The following NRXN3 variants were observed in gnomAD, a reference collection of about 807,000 sequenced individuals.
NRXN3 encodes neurexin 3, also known as neurexin III.
In NRXN3, 32 loss-of-function variants were observed where a neutral mutation model predicts 137.6. The observed-to-expected ratio is 0.23, with a 90% CI of 0.18 to 0.31. The LOEUF is 0.31. Ranked by LOEUF, NRXN3 falls within the 10% of genes least tolerant of loss-of-function variation. The pLI is 1.00. For missense variants in NRXN3, 1,574 were observed against 2,062.5 expected (o/e 0.76, Z 4.59); for synonymous variants, 798 against 784.5 (o/e 1.02, Z -0.29).
At chr14:78,702,099 C>T (rs532796001) in intron 6 of NRXN3, among the ~76,000 whole-genome samples, 41 of 152,082 alleles carry the variant, frequency 2.7e-4, no homozygotes, top group Non-Finnish European at 5.0e-4. Flanking sequence ...GGACCATCTG[C>T]TGCCACATTT....
At chr14:79,366,376 C>G (rs1288380610) in intron 15 of NRXN3, among the ~76,000 whole-genome samples, 1 of 152,030 alleles carries the variant, frequency 6.6e-6, no homozygotes, top group Non-Finnish European at 1.5e-5. Context: ...TGACTATAGT[C>G]ACCCTGTTGT....
intron 15 of NRXN3, among the ~76,000 whole-genome samples, chr14:79,342,963 G>A (rs749703205): frequency 2.6e-4 from 39 of 152,118 alleles, no homozygotes; most frequent in Non-Finnish European, 5.1e-4. Context: ...TGGCGGGTAG[G>A]GGCTTGGGAA....
At chr14:79,436,581 C>T (rs1459436883) in intron 15 of NRXN3, among the ~76,000 whole-genome samples, 1 of 152,182 alleles carries the variant, frequency 6.6e-6, no homozygotes, top group Non-Finnish European at 1.5e-5. Flanking sequence ...TCCCAAATCC[C>T]CACATTAGTA....
intron 1 of NRXN3, among the ~76,000 whole-genome samples, chr14:78,229,197 G>T (rs922668276): frequency 6.6e-6 from 1 of 152,068 alleles, no homozygotes; most frequent in Non-Finnish European, 1.5e-5. Context: ...CGTCATGGGG[G>T]AGGCTGGGAA....
At chr14:78,787,272 T>C (rs2153042866) in intron 8 of NRXN3, among the ~76,000 whole-genome samples, 1 of 152,306 alleles carries the variant, frequency 6.6e-6, no homozygotes, top group Admixed American at 6.5e-5. Flanking sequence ...TTTATCTCTC[T>C]GATCTGGCCT....
chr14:79,798,453 G>A (rs541625756), intron 19 of NRXN3, among the ~76,000 whole-genome samples: 16 of 152,288 alleles, frequency 1.1e-4, no homozygotes, highest in South Asian at 2.1e-4. Context: ...TCTTTTTAGC[G>A]TGGAGCAGCT....
chr14:78,825,825 G>A (rs1281496392), intron 10 of NRXN3, among the ~76,000 whole-genome samples: 2 of 152,214 alleles, frequency 1.3e-5, no homozygotes, highest in African/African-American at 4.8e-5. Context: ...AGCATCTCAT[G>A]TAAAATAAAT....
intron 16 of NRXN3, among the ~76,000 whole-genome samples, chr14:79,538,361 C>T (rs1267225384): frequency 2.0e-5 from 3 of 152,146 alleles, no homozygotes; most frequent in Non-Finnish European, 4.4e-5. Context: ...ACATGAAGTC[C>T]TTGCCCATGC....
In NRXN3 at chr14:79,861,662, G is replaced by A. The variant is rs2099414040; in HGVS notation, c.4414G>A (p.Ala1472Thr). 6.2e-7 allele frequency: 1 copy of A among 1,614,164 alleles called. No homozygotes were observed. Among genetic ancestry groups the A allele is most frequent in the Non-Finnish European group, 8.5e-7 (1 of 1,180,026 alleles). The change falls in exon 21 of 21, where the codon GCA becomes ACA. Residue 1472 changes from alanine (A) to threonine (T), a missense_variant. This residue lies in a region of NRXN3 where 320 missense variants were observed against 387.1 expected (regional missense o/e 0.83). Transcript: ENST00000335750. The surrounding 1 kb of genome is among the most constrained non-coding windows in gnomAD (Gnocchi z 5.4). The part of the protein sequence containing the change: ...TSPMFRNVPT[A>T]NPTEPGIRRV... ...CCCCATGTTCCGTAATGTGCCCACA[G>A]CAAACCCCACGGAGCCGGGAATCAG...
intron 4 of NRXN3, among the ~76,000 whole-genome samples, chr14:78,639,324 T>C (rs1348276720): frequency 2.6e-5 from 4 of 152,202 alleles, no homozygotes; most frequent in Non-Finnish European, 5.9e-5. Flanking sequence ...ATGAGAACAA[T>C]TTCGCTGTGT....
intron 16 of NRXN3, among the ~76,000 whole-genome samples, chr14:79,484,079 C>A (rs1046980568): frequency 1.3e-5 from 2 of 152,148 alleles, no homozygotes; most frequent in Non-Finnish European, 2.9e-5. Flanking sequence ...CTGCTGTCCC[C>A]ACTGGTCACG....
intron 16 of NRXN3, 67 bp from the exon 17 acceptor site, chr14:79,663,711 A>T: frequency 7.0e-7 from 1 of 1,430,812 alleles, no homozygotes; most frequent in Non-Finnish European, 9.6e-7. Context: ...TGGTTGGAGG[A>T]TCAAGTTTAA....
intron 10 of NRXN3, among the ~76,000 whole-genome samples, chr14:78,854,559 G>A (rs557746387): frequency 4.0e-4 from 61 of 152,242 alleles, no homozygotes; most frequent in African/African-American, 1.3e-3. Flanking sequence ...AGCACCTACA[G>A]TGTTATAGTT....
At chr14:78,318,371 T>G (rs952842371) in intron 4 of NRXN3, among the ~76,000 whole-genome samples, 2 of 152,216 alleles carry the variant, frequency 1.3e-5, no homozygotes, top group Admixed American at 1.3e-4. Context: ...CCTTTCCTTC[T>G]GCCTTGATCT....
chr14:79,383,309 T>G (rs1336791533), intron 15 of NRXN3, among the ~76,000 whole-genome samples: 2 of 152,126 alleles, frequency 1.3e-5, no homozygotes, highest in Admixed American at 6.6e-5. Flanking sequence ...AGCATCTCAT[T>G]TTTATCTGTC....
intron 15 of NRXN3, among the ~76,000 whole-genome samples, chr14:79,081,648 C>A (rs1037861668): frequency 6.6e-6 from 1 of 151,434 alleles, no homozygotes; most frequent in Non-Finnish European, 1.5e-5. Context: ...TATGATGTGT[C>A]CAAGCTCTTT....
Position 79,861,344 on chromosome 14 carries a change from A to G in NRXN3, c.4096A>G (p.Lys1366Glu). 6.5e-7 allele frequency: 1 copy of G among 1,536,066 alleles called. No individual in the cohort carries two copies. Among genetic ancestry groups the G allele is most frequent in the Non-Finnish European group, 8.7e-7 (1 of 1,146,904 alleles). The change falls in exon 21 of 21, where the codon AAG becomes GAG. Residue 1366 changes from lysine (K) to glutamate (E), a missense_variant and splice_region_variant. Transcript: ENST00000335750. The surrounding 1 kb of genome is among the most constrained non-coding windows in gnomAD (Gnocchi z 5.4). ...DFVECEPSTDKSLSTSIFEGG... is the reference protein window; with the variant it reads ...DFVECEPSTDESLSTSIFEGG... The stretch of plus-strand genomic sequence containing the variant: ...CACCACCTTCTCCTTGGTAACAGAT[A>G]AGAGTCTTTCCACTTCAATCTTCGA...
chr14:79,768,699 T>A (rs933868021), intron 19 of NRXN3, among the ~76,000 whole-genome samples: 1 of 152,096 alleles, frequency 6.6e-6, no homozygotes, highest in Non-Finnish European at 1.5e-5. Context: ...AACTGGAAAC[T>A]CTTAAAAGCA....
chr14:78,698,112 C>A (rs751290710), intron 6 of NRXN3: 1 of 152,048 alleles, frequency 6.6e-6, no homozygotes, highest in African/African-American at 2.4e-5. Flanking sequence ...TGCCCCTATA[C>A]GCAGTCATCT....
Sources: allele counts gnomAD v4.1 joint callset (sites outside exome capture counted in the v4.1 genomes callset), GRCh38; gene constraint gnomAD v4.1.1; regional missense constraint gnomAD v4.1.1; non-coding constraint Gnocchi (gnomAD v3.1); transcripts MANE v1.5; gene names NCBI Gene and HGNC (gene_info 2026-07-23, HGNC 2026-07-21).